The following ARHGEF10 variants were observed in gnomAD, a reference collection of about 807,000 sequenced individuals.
The protein encoded by ARHGEF10 is Rho guanine nucleotide exchange factor (GEF) 10.
Under a neutral mutation model 147.4 loss-of-function variants are expected in ARHGEF10, and 140 were observed. That is an observed-to-expected ratio of 0.95 (90% CI 0.83 to 1.09). ARHGEF10 has a LOEUF of 1.09. Among genes scored for constraint, ARHGEF10 ranks in the 50% least tolerant of loss-of-function variants. ARHGEF10 has a pLI of 0.00. For synonymous variants in ARHGEF10, 902 were observed against 695.8 expected (o/e 1.30, Z -4.67); for missense variants, 2,222 against 1,752.7 (o/e 1.27, Z -4.78).
At chr8:1,888,110 G>A (rs969842327) in intron 11 of ARHGEF10, among the ~76,000 whole-genome samples, 1 of 114,458 alleles carries the variant, frequency 8.7e-6, no homozygotes, top group South Asian at 3.0e-4. Flanking sequence ...GTTTTGAGGA[G>A]ACACTTAGTG....
At chr8:1,876,324 TGGGG>T in intron 7 of ARHGEF10, 3 of 562,732 alleles carry the variant, frequency 5.3e-6, no homozygotes, top group South Asian at 4.1e-5. Context: ...GGGGTACAGA[TGGGG>T]CAGGGGCACT....
chr8:1,849,106 T>A (rs1346492924), intron 2 of ARHGEF10, among the ~76,000 whole-genome samples: 1 of 152,216 alleles, frequency 6.6e-6, no homozygotes, highest in Admixed American at 6.5e-5. Context: ...GGTAACTAAA[T>A]TTTAAACTAA....
intron 1 of ARHGEF10, among the ~76,000 whole-genome samples, chr8:1,839,188 C>T (rs1322382992): frequency 1.5e-5 from 2 of 134,526 alleles, no homozygotes; most frequent in African/African-American, 6.2e-5. Context: ...TGGGGACTGT[C>T]TGATGTGGGG....
At chr8:1,919,894 T>A (rs1213119296) in intron 18 of ARHGEF10, among the ~76,000 whole-genome samples, 4 of 138,854 alleles carry the variant, frequency 2.9e-5, no homozygotes, top group Non-Finnish European at 4.6e-5. Flanking sequence ...AGCTGTTCTG[T>A]CAGTGATGGA....
chr8:1,908,390 C>G (rs1811078425), intron 17 of ARHGEF10, among the ~76,000 whole-genome samples: 1 of 151,882 alleles, frequency 6.6e-6, no homozygotes, highest in African/African-American at 2.4e-5. Context: ...ACCACCACAC[C>G]CAGCTAATTT....
intron 1 of ARHGEF10, among the ~76,000 whole-genome samples, chr8:1,827,817 A>G (rs755243455): frequency 6.6e-6 from 1 of 152,200 alleles, no homozygotes; most frequent in Non-Finnish European, 1.5e-5. Flanking sequence ...TCCATGGGTC[A>G]CTTCTGATAG....
chr8:1,826,263 G>A (rs1802761796), intron 1 of ARHGEF10: 1 of 852,320 alleles, frequency 1.2e-6, no homozygotes, highest in Non-Finnish European at 1.9e-6. Flanking sequence ...TTGACTTCCA[G>A]ATGTAACCAC....
intron 2 of ARHGEF10, among the ~76,000 whole-genome samples, chr8:1,850,852 G>C (rs1455430409): frequency 1.3e-5 from 2 of 152,142 alleles, no homozygotes; most frequent in Non-Finnish European, 2.9e-5. Flanking sequence ...TCAGACAGTG[G>C]AACATTCAGT....
chr8:1,925,305 G>T lies in ARHGEF10; in HGVS notation c.2511G>T (p.Trp837Cys). Residue 837 changes from tryptophan (W) to cysteine (C), a missense_variant, in exon 22 of 29, where the codon TGG becomes TGT. Trp to Cys is a radical substitution (Grantham distance 215). Transcript: ENST00000349830. ...CAGAAGAGGAGAACCACATGGGCTG[G>T]TTCTGTGTGGAAGACGATGGGAATC... ...LALEEENHMG[W>C]FCVEDDGNHI... 1 of 1,614,200 alleles carries T rather than the reference G, an allele frequency of 6.2e-7. No homozygotes were observed. The highest frequency in any genetic ancestry group is 8.5e-7 in the Non-Finnish European group (1 of 1,180,038).
intron 28 of ARHGEF10, among the ~76,000 whole-genome samples, chr8:1,954,410 C>G (rs1340212234): frequency 6.6e-6 from 1 of 151,956 alleles, no homozygotes. Flanking sequence ...TGGAGGAATT[C>G]AGATTTTGGA....
intron 10 of ARHGEF10, among the ~76,000 whole-genome samples, chr8:1,884,210 G>A (rs1012945868): frequency 1.4e-4 from 22 of 152,022 alleles, no homozygotes; most frequent in Non-Finnish European, 2.1e-4. Context: ...TGGCTAACAC[G>A]GTGAAACCCC....
At chr8:1,926,693 ATT>A (rs1812720548) in intron 23 of ARHGEF10, 1 of 588,756 alleles carries the variant, frequency 1.7e-6, no homozygotes, top group Admixed American at 2.9e-5. Context: ...CATCTAAAAC[ATT>A]TACCAGATAA....
chr8:1,832,054 G>A (rs1803142435), intron 1 of ARHGEF10, among the ~76,000 whole-genome samples: 1 of 152,208 alleles, frequency 6.6e-6, no homozygotes, highest in African/African-American at 2.4e-5. Context: ...GCTTCCTCCT[G>A]ACTGTGGGGC....
At chr8:1,836,542 G>A (rs1056898261) in intron 1 of ARHGEF10, among the ~76,000 whole-genome samples, 2 of 152,188 alleles carry the variant, frequency 1.3e-5, no homozygotes, top group South Asian at 2.1e-4. Context: ...GCTTCAGGGG[G>A]TGGGATGTTT....
intron 1 of ARHGEF10, among the ~76,000 whole-genome samples, chr8:1,827,864 A>C (rs1232480035): frequency 6.6e-6 from 1 of 152,180 alleles, no homozygotes; most frequent in Non-Finnish European, 1.5e-5. Context: ...TGGTATCCAG[A>C]GCTGTGACTG....
chr8:1,850,232 CGTGGGGCAGT>C (rs1804998425), intron 2 of ARHGEF10, among the ~76,000 whole-genome samples: 1 of 125,530 alleles, frequency 8.0e-6, no homozygotes, highest in East Asian at 2.7e-4. Context: ...CTAAGGAGGG[CGTGGGGCAGT>C]CGCGTGGACA....
intron 11 of ARHGEF10, among the ~76,000 whole-genome samples, chr8:1,887,387 G>C (rs1202749462): frequency 6.6e-6 from 1 of 152,240 alleles, no homozygotes; most frequent in African/African-American, 2.4e-5. Context: ...AGGATGCGGG[G>C]GTGAGTGTGA....
chr8:1,823,420 C>T (rs997029582), upstream of ARHGEF10, among the ~76,000 whole-genome samples: 3 of 151,168 alleles, frequency 2.0e-5, no homozygotes, highest in African/African-American at 7.3e-5. Context: ...TGGGCGCACC[C>T]CGGGTGTCCG....
chr8:1,825,877 A>C (rs1001547458), intron 1 of ARHGEF10, among the ~76,000 whole-genome samples: 2 of 152,246 alleles, frequency 1.3e-5, no homozygotes, highest in South Asian at 2.1e-4. Flanking sequence ...CTTAATGTCC[A>C]TATGGGTGGA....
Sources: allele counts gnomAD v4.1 joint callset (sites outside exome capture counted in the v4.1 genomes callset), GRCh38; gene constraint gnomAD v4.1.1; transcripts MANE v1.5; gene names NCBI Gene and HGNC (gene_info 2026-07-23, HGNC 2026-07-21).